GLO1: variants seen among roughly 807,000 people sequenced by gnomAD.
The protein encoded by GLO1 is glyoxalase I.
In GLO1, 28 loss-of-function variants were observed where a neutral mutation model predicts 26.0. The ratio of observed to expected loss-of-function variants is 1.08; its 90% confidence interval spans 0.80 to 1.48. The LOEUF (loss-of-function observed/expected upper bound fraction) is 1.48. Among genes scored for constraint, GLO1 ranks in the 40% most tolerant of loss-of-function variants. GLO1 has a pLI of 0.00. For missense variants in GLO1, 225 were observed against 224.8 expected (o/e 1.00, Z -0.01); for synonymous variants, 78 against 77.6 (o/e 1.00, Z -0.03).
rs939651136 is a variant in GLO1 at position 38,676,339 on chromosome 6, T to C, written c.*956A>G. On this transcript the variant is annotated 3_prime_UTR_variant, in exon 6 of 6. Transcript: ENST00000373365. ...TTATGAGAAATATAAACATCACTTGTGTAGGAATCACCAGGTGTCCCTAGA... is the reference window on the plus strand; with the variant it reads ...TTATGAGAAATATAAACATCACTTGCGTAGGAATCACCAGGTGTCCCTAGA... 6.6e-6 allele frequency: 1 copy of C among 152,152 alleles called. No individual in the cohort carries two copies. Among genetic ancestry groups the C allele is most frequent in the African/African-American group, 2.4e-5 (1 of 41,448 alleles). 9.4% of individuals were successfully genotyped at this position (152,152 alleles called of 1,614,324 possible).
Position 38,696,886 on chromosome 6 carries a change from A to C in GLO1, c.84+6085T>G, listed in dbSNP as rs536093857. 4.6e-4 allele frequency among the ~76,000 whole-genome samples: 70 copies of C among 152,050 alleles called. 1 individual carries two copies. The highest frequency in any genetic ancestry group is 1.6e-3 in the African/African-American group (65 of 41,482). On this transcript the variant is annotated intron_variant, in intron 1 of 5. Transcript: ENST00000373365. The stretch of plus-strand genomic sequence containing the variant: ...ACTTTGTCTCTCAAATAACTTTCAA[A>C]AGTGTTATATTGCCCCCAACAGAAA...
chr6:38,703,018 C>G lies in GLO1; in HGVS notation c.37G>C (p.Asp13His). 1 of 1,594,996 alleles carries G rather than the reference C, an allele frequency of 6.3e-7. No individual in the cohort carries two copies. The highest frequency in any genetic ancestry group is 8.6e-7 in the Non-Finnish European group (1 of 1,167,414). The change falls in exon 1 of 6, where the codon GAC becomes CAC. Residue 13 changes from aspartate to histidine, a missense_variant. Physicochemically the swap from Asp to His is moderately conservative, Grantham distance 81. Coordinates refer to ENST00000373365, the MANE Select transcript of GLO1 (RefSeq NM_006708.3). Reference sequence around the variant, plus strand: ...GAGCAGCAACTGAGGGCGGCCTCGTCCGTGAGGCCGCCGGACGGGGGCTGC... The same window carrying G: ...GAGCAGCAACTGAGGGCGGCCTCGTGCGTGAGGCCGCCGGACGGGGGCTGC... ...EPQPPSGGLT[D>H]EAALSCCSDA...
At chr6:38,687,748 C>A (rs1034143550) in intron 1 of GLO1, among the ~76,000 whole-genome samples, 1 of 152,318 alleles carries the variant, frequency 6.6e-6, no homozygotes, top group Middle Eastern at 3.4e-3. Flanking sequence ...TATGGTATTA[C>A]TGTCGATATT....
intron 1 of GLO1, among the ~76,000 whole-genome samples, chr6:38,688,569 C>T (rs1761488178): frequency 6.6e-6 from 1 of 152,152 alleles, no homozygotes; most frequent in South Asian, 2.1e-4. Context: ...CTATTGATTA[C>T]AATGTTTGCT....
chr6:38,685,158 A>G (rs769193526), intron 2 of GLO1, among the ~76,000 whole-genome samples: 2 of 152,210 alleles, frequency 1.3e-5, no homozygotes, highest in Non-Finnish European at 2.9e-5. Context: ...GCTGGATTAC[A>G]CTGTACTGGG....
intron 1 of GLO1, among the ~76,000 whole-genome samples, chr6:38,693,860 G>C (rs1451933625): frequency 6.6e-6 from 1 of 151,546 alleles, no homozygotes; most frequent in Admixed American, 6.6e-5. Flanking sequence ...ACAGGTGCCC[G>C]CCACCACGCC....
intron 1 of GLO1, among the ~76,000 whole-genome samples, chr6:38,701,970 G>T (rs111624192): frequency 1.4e-5 from 2 of 141,962 alleles, no homozygotes; most frequent in African/African-American, 2.7e-5. Context: ...TCACTCTGTC[G>T]CCCAGGCTGG....
intron 1 of GLO1, among the ~76,000 whole-genome samples, chr6:38,689,136 C>A (rs1482339378): frequency 1.3e-5 from 2 of 152,150 alleles, no homozygotes; most frequent in Non-Finnish European, 2.9e-5. Context: ...GACCCCTGTC[C>A]GACAGTGGAA....
intron 5 of GLO1, among the ~76,000 whole-genome samples, chr6:38,680,504 A>C (rs1761355690): frequency 6.6e-6 from 1 of 152,216 alleles, no homozygotes; most frequent in Non-Finnish European, 1.5e-5. Flanking sequence ...CTGGGCAACA[A>C]GAGCGAAACT....
At chr6:38,699,795 CTGT>C (rs1761670934) in intron 1 of GLO1, among the ~76,000 whole-genome samples, 1 of 152,148 alleles carries the variant, frequency 6.6e-6, no homozygotes, top group South Asian at 2.1e-4. Context: ...ACCCTGTTTT[CTGT>C]TGTTTAAGAT....
intron 5 of GLO1, among the ~76,000 whole-genome samples, chr6:38,679,535 T>C (rs1761335822): frequency 6.6e-6 from 1 of 151,954 alleles, no homozygotes; most frequent in African/African-American, 2.4e-5. Context: ...GTGGTTCACA[T>C]CTGTAATCCC....
At chr6:38,696,271 T>C (rs1761610103) in intron 1 of GLO1, among the ~76,000 whole-genome samples, 1 of 151,368 alleles carries the variant, frequency 6.6e-6, no homozygotes, top group African/African-American at 2.4e-5. Flanking sequence ...AATCTCAAAT[T>C]TGCTTCTAGT....
At chr6:38,692,356 T>C (rs911065187) in intron 1 of GLO1, among the ~76,000 whole-genome samples, 13 of 152,330 alleles carry the variant, frequency 8.5e-5, no homozygotes, top group Non-Finnish European at 1.5e-4. Flanking sequence ...TGCTAGTATA[T>C]AGAAACGCGA....
At chr6:38,678,342 G>GAGAAAGAGAA (rs151177886) in intron 5 of GLO1, among the ~76,000 whole-genome samples, 12 of 133,896 alleles carry the variant, frequency 9.0e-5, no homozygotes, top group African/African-American at 2.9e-4. Flanking sequence ...GAAAGAGAAA[G>GAGAAAGAGAA]AGAGAAAGAG....
rs1246231852 is a variant in GLO1 at position 38,676,693 on chromosome 6, T to C, written c.*602A>G. The C allele has an allele frequency of 6.6e-6, 1 of 152,238 alleles. No homozygotes were observed. The highest frequency in any genetic ancestry group is 1.5e-5 in the Non-Finnish European group (1 of 68,100). The allele number at this position is 152,238 out of a possible 1,614,324, so 9.4% of individuals were successfully genotyped here. On this transcript the variant is annotated 3_prime_UTR_variant, in exon 6 of 6. Transcript: ENST00000373365. ...GCCCAGTGTCTGGGTACCATATCAT[T>C]TCCTTCCTCCTCCCCTTTCCCAAAT...
At chr6:38,702,076 A>G (rs1172360940) in intron 1 of GLO1, among the ~76,000 whole-genome samples, 2 of 151,770 alleles carry the variant, frequency 1.3e-5, no homozygotes, top group Non-Finnish European at 2.9e-5. Context: ...GACTACAGGC[A>G]CCCGCCACCA....
rs1402132131 is a variant in GLO1, at chr6:38,682,026, T to G, written c.452A>C (p.Lys151Thr). Residue 151 changes from lysine (K) to threonine (T), a missense_variant, in exon 5 of 6, where the codon AAG becomes ACG. Coordinates refer to ENST00000373365, the MANE Select transcript of GLO1 (RefSeq NM_006708.3). Reference sequence around the variant, plus strand: ...AGTAGACTCACCATCATCAGGTTTCTTCACAAATTTGACTCCCAGTTCTTC... The same window carrying G: ...AGTAGACTCACCATCATCAGGTTTCGTCACAAATTTGACTCCCAGTTCTTC... ...RFEELGVKFVKKPDDGKMKGL... is the reference protein window; with the variant it reads ...RFEELGVKFVTKPDDGKMKGL... 6.5e-7 allele frequency: 1 copy of G among 1,544,402 alleles called. No homozygotes were observed. The highest frequency in any genetic ancestry group is 2.2e-5 in the East Asian group (1 of 44,546).
At chr6:38,677,435 A>G (rs1267372019) in intron 5 of GLO1, 52 bp from the exon 6 acceptor site, 1 of 846,342 alleles carries the variant, frequency 1.2e-6, no homozygotes, top group Admixed American at 1.9e-5. Context: ...AAAACACCAT[A>G]AAAATGTTTT....
intron 1 of GLO1, among the ~76,000 whole-genome samples, chr6:38,693,704 T>TG (rs1554187305): frequency 2.1e-5 from 3 of 144,856 alleles, no homozygotes; most frequent in Non-Finnish European, 3.0e-5. Flanking sequence ...TATATATATA[T>TG]ATTTGTTTTG....
Sources: gnomAD v4.1 joint callset for allele counts (sites outside exome capture counted in the v4.1 genomes callset) on GRCh38, gnomAD v4.1.1 for gene constraint, MANE v1.5 for transcripts, NCBI Gene and HGNC (gene_info 2026-07-23, HGNC 2026-07-21) for gene names.